The following WDR49 variants were observed in gnomAD, a reference collection of about 807,000 sequenced individuals.
WDR49 encodes the protein WD repeat domain 49, also known as cilia- and flagella-associated protein 337.
In WDR49, 107 loss-of-function variants were observed where a neutral mutation model predicts 119.5. The observed-to-expected ratio is 0.90, with a 90% CI of 0.77 to 1.05. WDR49 has a LOEUF of 1.05. Ranked by LOEUF, WDR49 falls within the 50% of genes least tolerant of loss-of-function variation. WDR49 has a pLI of 0.00. For synonymous variants in WDR49, 425 were observed against 418.8 expected (o/e 1.01, Z -0.18); for missense variants, 1,240 against 1,220.5 (o/e 1.02, Z -0.24).
chr3:167,506,385 G>A (rs772414062), intron 16 of WDR49, among the ~76,000 whole-genome samples: 1 of 152,136 alleles, frequency 6.6e-6, no homozygotes, highest in Admixed American at 6.5e-5. Flanking sequence ...TAGCATTCAA[G>A]TAATGTTCAT....
At chr3:167,627,622 G>C (rs762844190) in intron 2 of WDR49, among the ~76,000 whole-genome samples, 9 of 151,986 alleles carry the variant, frequency 5.9e-5, no homozygotes, top group Non-Finnish European at 1.3e-4. Flanking sequence ...CTCTATTTAA[G>C]CTAGAAAAGG....
At chr3:167,615,789 T>C (rs566876663) in intron 5 of WDR49, among the ~76,000 whole-genome samples, 2 of 152,332 alleles carry the variant, frequency 1.3e-5, no homozygotes, top group Admixed American at 1.3e-4. Flanking sequence ...CACCAATAGA[T>C]AAGCAGCCAG....
At chr3:167,480,282 TAAC>T (rs1750660196) in intron 18 of WDR49, among the ~76,000 whole-genome samples, 1 of 99,968 alleles carries the variant, frequency 1.0e-5, no homozygotes, top group East Asian at 2.9e-4. Context: ...GGAAAAATAA[TAAC>T]TACTATTAGA....
At chr3:167,480,247 TAAAAAA>T (rs1162973369) in intron 18 of WDR49, among the ~76,000 whole-genome samples, 2 of 55,070 alleles carry the variant, frequency 3.6e-5, no homozygotes, top group Admixed American at 2.4e-4. Context: ...AGACTCTGTC[TAAAAAA>T]AAAAAAAAAA....
chr3:167,589,356 G>A (rs1714989966), intron 7 of WDR49, among the ~76,000 whole-genome samples: 1 of 152,074 alleles, frequency 6.6e-6, no homozygotes, highest in Admixed American at 6.6e-5. Flanking sequence ...AGTATAATTT[G>A]AAGTCAGTTA....
intron 7 of WDR49, among the ~76,000 whole-genome samples, chr3:167,586,580 A>G (rs1363366423): frequency 6.6e-6 from 1 of 152,212 alleles, no homozygotes; most frequent in African/African-American, 2.4e-5. Flanking sequence ...TGAAAACATA[A>G]TGTGTTTTCA....
intron 11 of WDR49, among the ~76,000 whole-genome samples, chr3:167,535,001 A>G (rs891000261): frequency 6.6e-6 from 1 of 152,328 alleles, no homozygotes; most frequent in Non-Finnish European, 1.5e-5. Context: ...ATATTTATGG[A>G]TGAGCTTATT....
At chr3:167,570,010 G>T (rs533007083) in intron 8 of WDR49, among the ~76,000 whole-genome samples, 1 of 151,864 alleles carries the variant, frequency 6.6e-6, no homozygotes, top group African/African-American at 2.4e-5. Context: ...GTATGTTTTA[G>T]TATAACCTCT....
Position 167,511,583 on chromosome 3 carries a change from G to T in WDR49, c.2775-6167C>A, listed in dbSNP as rs552299301. Among the ~76,000 whole-genome samples the T allele has an allele frequency of 7.3e-4, 111 of 152,144 alleles. 2 individuals are homozygous for T. The South Asian group carries it at 0.02, about 28-fold the overall frequency. On this transcript the variant is annotated intron_variant, in intron 16 of 18. Transcript: ENST00000682715. ...CAGGGAAACCATGTTTTTTTCCACC[G>T]ATCTGTGAAACCCATGGATCAGATC... is the stretch of plus-strand genomic sequence containing the variant.
At chr3:167,488,116 G>T (rs1321797733) in intron 18 of WDR49, among the ~76,000 whole-genome samples, 1 of 148,660 alleles carries the variant, frequency 6.7e-6, no homozygotes, top group Admixed American at 6.8e-5. Context: ...ATCAATGATG[G>T]ATTGGATAAA....
chr3:167,653,144 C>A (rs762345184), intron 2 of WDR49, 117 bp downstream of exon 2: 210 of 1,178,486 alleles, frequency 1.8e-4, no homozygotes, highest in Admixed American at 6.2e-4. Flanking sequence ...ATTTTTAATT[C>A]TCTGCTATAA....
chr3:167,562,352 G>T (rs1478890204), intron 8 of WDR49, among the ~76,000 whole-genome samples: 1 of 152,040 alleles, frequency 6.6e-6, no homozygotes, highest in Admixed American at 6.6e-5. Flanking sequence ...ACAAAGGAGG[G>T]GAGCAACTGA....
At chr3:167,563,469 T>C (rs1330672427) in intron 8 of WDR49, among the ~76,000 whole-genome samples, 1 of 152,102 alleles carries the variant, frequency 6.6e-6, no homozygotes, top group African/African-American at 2.4e-5. Context: ...TTACATTCAT[T>C]ACAGATAAAA....
intron 9 of WDR49, among the ~76,000 whole-genome samples, chr3:167,558,479 C>T (rs1347326646): frequency 6.6e-6 from 1 of 152,160 alleles, no homozygotes; most frequent in Non-Finnish European, 1.5e-5. Flanking sequence ...AGTTGCCAGA[C>T]TTCAGAATTC....
chr3:167,507,973 T>C (rs940812466), intron 16 of WDR49, among the ~76,000 whole-genome samples: 19 of 152,076 alleles, frequency 1.2e-4, no homozygotes, highest in African/African-American at 3.9e-4. Flanking sequence ...CAGGCTTAAA[T>C]AGAGTTTTAA....
At chr3:167,499,294 C>T (rs1159477701) in intron 18 of WDR49, among the ~76,000 whole-genome samples, 1 of 152,170 alleles carries the variant, frequency 6.6e-6, no homozygotes, top group Admixed American at 6.5e-5. Flanking sequence ...CATCTTTCTA[C>T]TGCAAACATT....
rs535529218 is a variant in WDR49, at chr3:167,539,585, C to A, written c.1824-2585G>T. On this transcript the variant is annotated intron_variant, in intron 10 of 18. Coordinates refer to ENST00000682715, the MANE Select transcript of WDR49 (RefSeq NM_001366157.1). ...TTGGCTAAATTATAAATTCTGAAAC[C>A]ATGCATCTTGTCTTAATCTGTAACC... Among the ~76,000 whole-genome samples the A allele has an allele frequency of 4.6e-5, 7 of 152,184 alleles. No individual in the cohort carries two copies. The East Asian group carries it at 1.4e-3, about 29-fold the overall frequency.
intron 7 of WDR49, among the ~76,000 whole-genome samples, chr3:167,594,483 A>G (rs1002311318): frequency 3.3e-5 from 5 of 152,192 alleles, no homozygotes; most frequent in Admixed American, 2.0e-4. Context: ...AAGACATTTC[A>G]AAGCAGTAAA....
chr3:167,623,143 C>T (rs1303845878), intron 3 of WDR49, among the ~76,000 whole-genome samples: 2 of 152,012 alleles, frequency 1.3e-5, no homozygotes, highest in Non-Finnish European at 2.9e-5. Context: ...TCAAACTCTT[C>T]CAAAAAATTA....
Sources: allele counts gnomAD v4.1 joint callset (sites outside exome capture counted in the v4.1 genomes callset), GRCh38; gene constraint gnomAD v4.1.1; transcripts MANE v1.5; gene names NCBI Gene and HGNC (gene_info 2026-07-23, HGNC 2026-07-21).